Variants in MIER2 observed in about 807,000 individuals in gnomAD.
MIER2 encodes MIER family member 2, also known as mesoderm induction early response protein 2.
MIER2 carries 30 observed loss-of-function variants against 67.6 expected under a neutral mutation model. The observed-to-expected ratio is 0.44, with a 90% confidence interval of 0.33 to 0.60. The LOEUF (loss-of-function observed/expected upper bound fraction) is 0.60, where lower values mean the gene tolerates loss of function less well. Among genes scored for constraint, MIER2 ranks in the 20% least tolerant of loss-of-function variants. The pLI, the probability that MIER2 is intolerant of heterozygous loss-of-function variation, is 0.02. For synonymous variants in MIER2, 372 were observed against 312.6 expected (o/e 1.19, Z -2.00); for missense variants, 702 against 745.1 (o/e 0.94, Z 0.67).
In MIER2 at chr19:326,519, G is replaced by A. The variant is rs1971758251; in HGVS notation, c.573C>T (p.Asn191=). Residue 191 remains asparagine (N), a synonymous_variant, in exon 6 of 14, where the codon AAC becomes AAT. Transcript: ENST00000264819. ...SDTEEDSLPA[N]KCKKEIMVGP... is the part of the protein sequence containing the mutation. Reference sequence around the variant, plus strand: ...CAGAACCACGTACCTTCTTACATTTGTTGGCAGGAAGAGAGTCCTCCTCGG... The same window carrying A: ...CAGAACCACGTACCTTCTTACATTTATTGGCAGGAAGAGAGTCCTCCTCGG... 1 of 1,613,888 alleles carries A rather than the reference G, an allele frequency of 6.2e-7. No homozygotes were observed. The highest frequency in any genetic ancestry group is 8.5e-7 in the Non-Finnish European group (1 of 1,179,744).
rs563396379 is a variant in MIER2, at chr19:314,838, C to T, written c.656-1195G>A. Among the ~76,000 whole-genome samples, 5 of 152,188 alleles carry T rather than the reference C, an allele frequency of 3.3e-5. No individual in the cohort carries two copies. The South Asian group carries it at 1.0e-3, about 32-fold the overall frequency. ...GATGTGAGGGCTCATGTCTGTAATCCCAGCACTCTGGGAGGCTGAGGTGGG... is the reference window on the plus strand; with the variant it reads ...GATGTGAGGGCTCATGTCTGTAATCTCAGCACTCTGGGAGGCTGAGGTGGG... On this transcript the variant is annotated intron_variant, in intron 7 of 13. Transcript: ENST00000264819.
At chr19:336,675 A>G (rs541775967) in intron 1 of MIER2, among the ~76,000 whole-genome samples, 1 of 152,200 alleles carries the variant, frequency 6.6e-6, no homozygotes, top group South Asian at 2.1e-4. Flanking sequence ...TGGGGATGAC[A>G]GAATGTTTTA....
At position 306,583 on chromosome 19, in the gene MIER2, A is replaced by G. The variant is rs1970659590; in HGVS notation, c.*107T>C. ...GTGTTCTGAAGCAGAAGGAGGTGCT[A>G]CCCCAAGGCCCGGGGGGTGGGGAAG... On this transcript the variant is annotated 3_prime_UTR_variant, in exon 14 of 14. Transcript: ENST00000264819. 5 of 1,438,694 alleles carry G rather than the reference A, an allele frequency of 3.5e-6. No homozygotes were observed. The highest frequency in any genetic ancestry group is 4.8e-6 in the Non-Finnish European group (5 of 1,048,750). 89.1% of individuals were successfully genotyped at this position (1,438,694 alleles called of 1,614,324 possible). A position where few individuals can be genotyped will look rare whatever the true frequency, so the allele number is the denominator to read the frequency against.
intron 7 of MIER2, among the ~76,000 whole-genome samples, chr19:315,204 A>C (rs2145389731): frequency 6.6e-6 from 1 of 152,290 alleles, no homozygotes; most frequent in East Asian, 1.9e-4. Context: ...AGCTCTACTA[A>C]AAATACAAAA....
At chr19:343,724 G>T in intron 1 of MIER2, 1 of 568,092 alleles carries the variant, frequency 1.8e-6, no homozygotes, top group Non-Finnish European at 2.2e-6. Context: ...TCTTGAGTCT[G>T]CCCGCCTGTC....
intron 3 of MIER2, chr19:334,172 G>A (rs1174324375): frequency 3.1e-6 from 1 of 322,110 alleles, no homozygotes; most frequent in Admixed American, 6.1e-5. Flanking sequence ...TCTGAGACCA[G>A]AAGATTTGAG....
Position 313,489 on chromosome 19 carries a change from C to A in MIER2, c.807+3G>T, listed in dbSNP as rs543632860. 131 of 1,610,666 alleles carry A rather than the reference C, an allele frequency of 8.1e-5. No individual in the cohort carries two copies. The South Asian group carries it at 1.3e-3, about 16-fold the overall frequency. ...CCTCTGTCCCCGGCATGGCAGCCCC[C>A]ACCTGCTCACTGTCTTTCACGGCTT... On this transcript the variant is annotated splice_donor_region_variant and intron_variant, in intron 8 of 13. Coordinates refer to ENST00000264819, the MANE Select transcript of MIER2 (RefSeq NM_017550.3).
In MIER2 at chr19:308,013, C is replaced by G. The variant is rs1056550435; in HGVS notation, c.1199-477G>C. On this transcript the variant is annotated intron_variant, in intron 12 of 13. Transcript: ENST00000264819. This position sits in a 1 kb window ranked among gnomAD's most constrained non-coding sequence, Gnocchi z 9.1. ...AACAAACCATGGAAACAACCAGACT[C>G]TGGAAATGGGGGACCCTCCCAGACT... Among the ~76,000 whole-genome samples the G allele has an allele frequency of 2.0e-5, 3 of 152,174 alleles. No individual in the cohort carries two copies. The highest frequency in any genetic ancestry group is 2.0e-4 in the Admixed American group (3 of 15,278).
chr19:340,768 G>A (rs780266258), intron 1 of MIER2, among the ~76,000 whole-genome samples: 1 of 152,218 alleles, frequency 6.6e-6, no homozygotes, highest in Admixed American at 6.5e-5. Flanking sequence ...CAACAAGGCT[G>A]CCAAGGACCA....
chr19:334,274 T>C, intron 3 of MIER2, 126 bp downstream of exon 3: 1 of 1,375,856 alleles, frequency 7.3e-7, no homozygotes, highest in South Asian at 1.3e-5. Context: ...GGACAGCATC[T>C]GGCACTTTGC....
rs866479761 is a variant in MIER2, at chr19:312,044, C to A, written c.890-105G>T. On this transcript the variant is annotated intron_variant, in intron 9 of 13. Coordinates refer to ENST00000264819, the MANE Select transcript of MIER2 (RefSeq NM_017550.3). ...CAGTCAGCGGCGCCCAGGGCGGGGC[C>A]GCAGCGGAAGGAAGGCCCAGGCCGG... The A allele has an allele frequency of 1.1e-4, 137 of 1,204,666 alleles. No individual in the cohort carries two copies. In the South Asian group the frequency reaches 1.6e-3, roughly 14 times the overall value. The allele number at this position is 1,204,666 out of a possible 1,614,324, so 74.6% of individuals were successfully genotyped here.
chr19:338,028 T>C (rs1367657760), intron 1 of MIER2, among the ~76,000 whole-genome samples: 1 of 149,754 alleles, frequency 6.7e-6, no homozygotes, highest in Non-Finnish European at 1.5e-5. Context: ...AAAAATTAGC[T>C]GGGTGTGGTG....
intron 7 of MIER2, among the ~76,000 whole-genome samples, chr19:315,799 G>T (rs1971211935): frequency 6.6e-6 from 1 of 152,240 alleles, no homozygotes. Context: ...TAACAGCCAA[G>T]AATTCTTCAA....
At chr19:327,038 C>A (rs1000997359) in intron 5 of MIER2, 95 bp downstream of exon 5, 1 of 1,482,166 alleles carries the variant, frequency 6.7e-7, no homozygotes, top group African/African-American at 1.4e-5. Context: ...GTGATGAGTT[C>A]TTGGCCTGCA....
At chr19:336,617 G>C (rs2145542366) in intron 1 of MIER2, among the ~76,000 whole-genome samples, 1 of 152,306 alleles carries the variant, frequency 6.6e-6, no homozygotes, top group African/African-American at 2.4e-5. Context: ...CAGGAGCCAG[G>C]GAGAGAGACA....
intron 7 of MIER2, among the ~76,000 whole-genome samples, chr19:320,403 A>C (rs552256938): frequency 1.3e-5 from 2 of 152,186 alleles, no homozygotes; most frequent in South Asian, 4.1e-4. Flanking sequence ...ATAGATAGAT[A>C]AATAAATAAA....
In MIER2 at chr19:326,525, A is replaced by G; in HGVS notation, c.567T>C (p.Pro189=). 1 of 1,613,976 alleles carries G rather than the reference A, an allele frequency of 6.2e-7. No homozygotes were observed. Among genetic ancestry groups the G allele is most frequent in the African/African-American group, 1.3e-5 (1 of 75,046 alleles). ...CACGTACCTTCTTACATTTGTTGGC[A>G]GGAAGAGAGTCCTCCTCGGTGTCGG... ...ASSDTEEDSL[P]ANKCKKEIMV... Residue 189 remains proline (P), a synonymous_variant, in exon 6 of 14, where the codon CCT becomes CCC. Transcript: ENST00000264819.
intron 7 of MIER2, among the ~76,000 whole-genome samples, chr19:320,617 T>C (rs1395944494): frequency 2.6e-5 from 4 of 152,110 alleles, no homozygotes; most frequent in African/African-American, 9.7e-5. Flanking sequence ...TAGATTCTCA[T>C]AGGAGCGCAA....
intron 1 of MIER2, 139 bp from the exon 2 acceptor site, chr19:336,312 G>A: frequency 1.5e-6 from 1 of 662,792 alleles, no homozygotes; most frequent in Non-Finnish European, 2.6e-6. Flanking sequence ...CCGCCTCTGA[G>A]GGCTGGGGGG....
Sources: gnomAD v4.1 joint callset for allele counts (sites outside exome capture counted in the v4.1 genomes callset) on GRCh38, gnomAD v4.1.1 for gene constraint, Gnocchi (gnomAD v3.1) non-coding constraint, MANE v1.5 for transcripts, NCBI Gene and HGNC (gene_info 2026-07-23, HGNC 2026-07-21) for gene names.